The following KIF1B variants were observed in gnomAD, a reference collection of about 807,000 sequenced individuals.
The protein encoded by KIF1B is kinesin-like protein KIF1B.
KIF1B carries 76 observed loss-of-function variants against 241.9 expected under a neutral mutation model. The observed-to-expected ratio is 0.31, with a 90% CI of 0.26 to 0.38. The LOEUF (loss-of-function observed/expected upper bound fraction) is 0.38. Ranked by LOEUF, KIF1B falls within the 10% of genes least tolerant of loss-of-function variation. The pLI is 1.00. For missense variants in KIF1B, 1,622 were observed against 2,271.4 expected, an observed-to-expected ratio of 0.71 and a Z score of 5.81; for synonymous variants, 750 against 796.7, an observed-to-expected ratio of 0.94 and a Z score of 0.99.
chr1:10,337,152 A>G lies in KIF1B; in HGVS notation c.3208A>G (p.Ser1070Gly). 1 of 1,614,092 alleles carries G rather than the reference A, an allele frequency of 6.2e-7. No homozygotes were observed. The highest frequency in any genetic ancestry group is 8.5e-7 in the Non-Finnish European group (1 of 1,180,016). Residue 1070 changes from serine (S) to glycine (G), a missense_variant, in exon 30 of 49, where the codon AGT (serine) becomes GGT (glycine). By Grantham distance (56) the Ser-to-Gly change is moderately conservative. This residue lies in a region of KIF1B where 803 missense variants were observed against 1,112.0 expected (regional missense o/e 0.72). Transcript: ENST00000676179. The surrounding 1 kb of genome is among the most constrained non-coding windows in gnomAD (Gnocchi z 4.0). Reference sequence around the variant, plus strand: ...GAGGATTGTGGAAGGACAGGGTCAGAGTTCTGAGGTCATCACTCCTCCAGA... The same window carrying G: ...GAGGATTGTGGAAGGACAGGGTCAGGGTTCTGAGGTCATCACTCCTCCAGA... The part of the protein sequence containing the change: ...ELRIVEGQGQ[S>G]SEVITPPEEI...
At chr1:10,291,493 G>A (rs1443201855) in intron 16 of KIF1B, among the ~76,000 whole-genome samples, 4 of 152,074 alleles carry the variant, frequency 2.6e-5, no homozygotes, top group Admixed American at 1.3e-4. Flanking sequence ...GGCAGATCAC[G>A]AGGTCGGGAG....
intron 27 of KIF1B, among the ~76,000 whole-genome samples, chr1:10,327,590 C>T (rs1651771823): frequency 6.6e-6 from 1 of 151,944 alleles, no homozygotes. Context: ...GGCATTGTCT[C>T]TGGCTCTCAG....
rs1638901368 is a variant in KIF1B, at chr1:10,376,781, G to C, written c.*194G>C. ...TCTGTACTCTTTTCTTTTTTCTTGT[G>C]CTGAGAATCTCGTTAGTAGCATGTG... On this transcript the variant is annotated 3_prime_UTR_variant, in exon 49 of 49. Coordinates refer to ENST00000676179, the MANE Select transcript of KIF1B (RefSeq NM_001365951.3). 1 of 605,756 alleles carries C rather than the reference G, an allele frequency of 1.7e-6. No individual in the cohort carries two copies. The highest frequency in any genetic ancestry group is 2.5e-5 in the Admixed American group (1 of 39,260). 37.5% of individuals were successfully genotyped at this position (605,756 alleles called of 1,614,324 possible). A position where few individuals can be genotyped will look rare whatever the true frequency, so the allele number is the denominator to read the frequency against.
chr1:10,273,118 G>A lies in KIF1B; in HGVS notation c.882+87G>A, dbSNP rs1333159072. 32 of 965,796 alleles carry A rather than the reference G, an allele frequency of 3.3e-5. No homozygotes were observed. In the Admixed American group the frequency reaches 7.4e-4, roughly 22 times the overall value. The allele number at this position is 965,796 out of a possible 1,614,324, so 59.8% of individuals were successfully genotyped here. ...GATGTATGGAGGCATAAGTAGGAATGGAACCTTCAAAAATCTTTTCATCAT... is the reference window on the plus strand; with the variant it reads ...GATGTATGGAGGCATAAGTAGGAATAGAACCTTCAAAAATCTTTTCATCAT... On this transcript the variant is annotated intron_variant, in intron 10 of 48. Coordinates refer to ENST00000676179, the MANE Select transcript of KIF1B (RefSeq NM_001365951.3).
At chr1:10,304,949 G>A in intron 22 of KIF1B, 1 of 1,195,242 alleles carries the variant, frequency 8.4e-7, no homozygotes, top group Admixed American at 4.0e-5. Flanking sequence ...CCATCTTGAT[G>A]TAAGTTTGTT....
At chr1:10,274,564 A>G (rs115905919) in intron 10 of KIF1B, among the ~76,000 whole-genome samples, 2,851 of 152,288 alleles carry the variant, frequency 0.019, 39 homozygotes, top group Non-Finnish European at 0.028. Flanking sequence ...GAGACCAAAT[A>G]AATATTATTT....
intron 1 of KIF1B, among the ~76,000 whole-genome samples, chr1:10,212,909 TATATATATATATATATATATATAC>T (rs1247390310): frequency 1.0e-4 from 12 of 120,264 alleles, no homozygotes; most frequent in African/African-American, 4.0e-4. Context: ...TATATATATA[TATATATATATATATATATATATAC>T]ACACACACAT....
At chr1:10,324,635 A>G in intron 25 of KIF1B, 123 bp from the exon 26 acceptor site, 1 of 1,163,592 alleles carries the variant, frequency 8.6e-7, no homozygotes, top group South Asian at 1.3e-5. Flanking sequence ...TAGTAACATT[A>G]AACAGTGGGA....
At chr1:10,261,845 G>C in intron 4 of KIF1B, 60 bp from the exon 5 acceptor site, 3 of 1,049,952 alleles carry the variant, frequency 2.9e-6, no homozygotes, top group Non-Finnish European at 4.5e-6. Flanking sequence ...GAGCACGCGT[G>C]GATGACTTAG....
In KIF1B at chr1:10,308,025, G is replaced by GA. The variant is rs142832592; in HGVS notation, c.2115+10788dup. On this transcript the variant is annotated intron_variant, in intron 22 of 48. Coordinates refer to ENST00000676179, the MANE Select transcript of KIF1B (RefSeq NM_001365951.3). ...TGTGCTTTAGGTGCAGGTTGACACTGAAAAAAAAACAAAACACTGAATTTT... is the reference window on the plus strand; with the variant it reads ...TGTGCTTTAGGTGCAGGTTGACACTGAAAAAAAAAACAAAACACTGAATTTT... 1,640 of 1,023,002 alleles carry GA rather than the reference G, an allele frequency of 1.6e-3. 2 individuals are homozygous for GA. Among genetic ancestry groups the GA allele is most frequent in the African/African-American group, 7.1e-3 (418 of 59,164 alleles). 63.4% of individuals were successfully genotyped at this position (1,023,002 alleles called of 1,614,324 possible).
chr1:10,258,764 T>C, intron 4 of KIF1B, 92 bp downstream of exon 4: 2 of 1,270,976 alleles, frequency 1.6e-6, no homozygotes, highest in South Asian at 2.5e-5. Context: ...CGAACATTTA[T>C]GCGGGGATTG....
At chr1:10,244,179 A>G (rs1322227934) in intron 2 of KIF1B, among the ~76,000 whole-genome samples, 1 of 152,148 alleles carries the variant, frequency 6.6e-6, no homozygotes, top group Non-Finnish European at 1.5e-5. Context: ...TCAAATCTTT[A>G]TGGCAATAGG....
intron 23 of KIF1B, among the ~76,000 whole-genome samples, chr1:10,321,052 GA>G (rs537241321): frequency 0.01 from 1,369 of 135,398 alleles, 24 homozygotes; most frequent in African/African-American, 0.034. Flanking sequence ...CTCTGTAACA[GA>G]AAAAAAAAAA....
intron 1 of KIF1B, among the ~76,000 whole-genome samples, chr1:10,225,914 G>A (rs1481023100): frequency 6.6e-6 from 1 of 152,168 alleles, no homozygotes; most frequent in African/African-American, 2.4e-5. Context: ...TGTACTTCAG[G>A]AAGGTGAATC....
intron 2 of KIF1B, among the ~76,000 whole-genome samples, chr1:10,255,935 A>G (rs1304702034): frequency 1.3e-5 from 2 of 150,650 alleles, no homozygotes; most frequent in East Asian, 1.9e-4. Flanking sequence ...GACTGCAGGC[A>G]TGTGCCACCA....
Position 10,378,408 on chromosome 1 carries a change from C to G in KIF1B, c.*1821C>G. The G allele has an allele frequency of 1.4e-6, 1 of 717,962 alleles. No individual in the cohort carries two copies. The highest frequency in any genetic ancestry group is 2.6e-6 in the Non-Finnish European group (1 of 385,204). 44.5% of individuals were successfully genotyped at this position (717,962 alleles called of 1,614,324 possible). ...TCTCTTTCAGCTGCCAGTAAGTTTTCCAGGATGAGAGGGGAAAAAGAAAGC... is the reference window on the plus strand; with the variant it reads ...TCTCTTTCAGCTGCCAGTAAGTTTTGCAGGATGAGAGGGGAAAAAGAAAGC... On this transcript the variant is annotated 3_prime_UTR_variant, in exon 49 of 49. Transcript: ENST00000676179.
chr1:10,304,395 G>A (rs750940694), intron 22 of KIF1B: 18 of 1,613,996 alleles, frequency 1.1e-5, no homozygotes, highest in East Asian at 2.2e-5. Context: ...CTGCCTCCGC[G>A]GAGTCATTAA....
chr1:10,238,664 C>T (rs939870580), intron 2 of KIF1B, among the ~76,000 whole-genome samples: 1 of 151,682 alleles, frequency 6.6e-6, no homozygotes. Flanking sequence ...AAGCTTGTGT[C>T]GCTGCACTCC....
chr1:10,218,033 G>A (rs941335790), intron 1 of KIF1B, among the ~76,000 whole-genome samples: 2 of 152,070 alleles, frequency 1.3e-5, no homozygotes, highest in Non-Finnish European at 2.9e-5. Flanking sequence ...TAAAGGGCTG[G>A]GGGGAGGAAA....
Sources: gnomAD v4.1 joint callset for allele counts (sites outside exome capture counted in the v4.1 genomes callset) on GRCh38, gnomAD v4.1.1 for gene constraint, gnomAD v4.1.1 regional missense constraint, Gnocchi (gnomAD v3.1) non-coding constraint, MANE v1.5 for transcripts, NCBI Gene and HGNC (gene_info 2026-07-23, HGNC 2026-07-21) for gene names.